The following ST6GALNAC3 variants were observed in gnomAD, a reference collection of about 807,000 sequenced individuals.
ST6GALNAC3 encodes alpha-N-acetylgalactosaminide alpha-2,6-sialyltransferase 3.
A neutral mutation model predicts 32.7 loss-of-function variants in ST6GALNAC3; 25 were observed. The ratio of observed to expected loss-of-function variants is 0.76; its 90% CI spans 0.56 to 1.07. The LOEUF (loss-of-function observed/expected upper bound fraction) is 1.07, where lower values mean the gene tolerates loss of function less well. Among genes scored for constraint, ST6GALNAC3 ranks in the 50% least tolerant of loss-of-function variants. ST6GALNAC3 has a pLI of 0.00. For missense variants in ST6GALNAC3, 355 were observed against 382.4 expected (o/e 0.93, Z 0.60); for synonymous variants, 129 against 133.1 (o/e 0.97, Z 0.21).
At chr1:76,449,281 T>C (rs978898941) in intron 3 of ST6GALNAC3, among the ~76,000 whole-genome samples, 2 of 152,260 alleles carry the variant, frequency 1.3e-5, no homozygotes, top group Admixed American at 6.5e-5. Flanking sequence ...CACTGAGCAG[T>C]ATTCTATTTT....
rs1029411575 is a variant in ST6GALNAC3, at chr1:76,577,301, A to G, written c.624-50151A>G. 3.0e-5 allele frequency: 30 copies of G among 987,856 alleles called. 1 individual carries two copies. Among genetic ancestry groups the G allele is most frequent in the African/African-American group, 2.4e-4 (14 of 57,186 alleles). 61.2% of individuals were successfully genotyped at this position (987,856 alleles called of 1,614,324 possible). On this transcript the variant is annotated intron_variant, in intron 3 of 4. Transcript: ENST00000328299. ...AGGGAATTGTTTTGTAGAAAAGGCC[A>G]TGCTAGATTTCCCTTGCCACTGCCT...
intron 1 of ST6GALNAC3, among the ~76,000 whole-genome samples, chr1:76,254,649 T>C (rs566114123): frequency 3.3e-5 from 5 of 152,230 alleles, no homozygotes; most frequent in African/African-American, 1.2e-4. Context: ...GGGAATCTAG[T>C]TAATGCCACT....
intron 2 of ST6GALNAC3, among the ~76,000 whole-genome samples, chr1:76,381,161 G>T (rs982692829): frequency 2.3e-5 from 3 of 129,204 alleles, no homozygotes; most frequent in Non-Finnish European, 4.7e-5. Context: ...AAAATAGTTT[G>T]GGCTGCTAAA....
intron 1 of ST6GALNAC3, among the ~76,000 whole-genome samples, chr1:76,108,114 G>T (rs1167072582): frequency 6.6e-6 from 1 of 152,132 alleles, no homozygotes; most frequent in Non-Finnish European, 1.5e-5. Context: ...GTGTAATAAT[G>T]GTCTGGCACC....
In ST6GALNAC3 at chr1:76,630,377, A is replaced by G; in HGVS notation, c.*1571A>G. The stretch of plus-strand genomic sequence containing the variant: ...GTGGGGAAAAAATGAAAAAGCAGGG[A>G]CAACAGGAGGAAATGAAGGCAGAGA... On this transcript the variant is annotated 3_prime_UTR_variant, in exon 5 of 5. Transcript: ENST00000328299. The G allele has an allele frequency of 4.1e-6, 4 of 985,268 alleles. No individual in the cohort carries two copies. Among genetic ancestry groups the G allele is most frequent in the Non-Finnish European group, 4.8e-6 (4 of 829,836 alleles). 61.0% of individuals were successfully genotyped at this position (985,268 alleles called of 1,614,324 possible).
At chr1:76,501,683 G>C (rs1661185923) in intron 3 of ST6GALNAC3, among the ~76,000 whole-genome samples, 1 of 152,202 alleles carries the variant, frequency 6.6e-6, no homozygotes, top group South Asian at 2.1e-4. Context: ...TCAAAAGGAA[G>C]AACGAGGAAC....
chr1:76,464,648 A>C (rs1283545025), intron 3 of ST6GALNAC3, among the ~76,000 whole-genome samples: 1 of 152,258 alleles, frequency 6.6e-6, no homozygotes, highest in African/African-American at 2.4e-5. Flanking sequence ...GCAATAGCTG[A>C]GTAAGTGGTC....
At chr1:76,474,174 T>C (rs567493411) in intron 3 of ST6GALNAC3, among the ~76,000 whole-genome samples, 4 of 152,284 alleles carry the variant, frequency 2.6e-5, no homozygotes, top group South Asian at 2.1e-4. Context: ...CAATGCAGAA[T>C]TGTGAGCAAA....
At position 76,313,797 on chromosome 1, in the gene ST6GALNAC3, T is replaced by G. The variant is rs1276351987; in HGVS notation, c.19-8T>G. On this transcript the variant is annotated splice_region_variant and splice_polypyrimidine_tract_variant and intron_variant, in intron 1 of 4. Coordinates refer to ENST00000328299, the MANE Select transcript of ST6GALNAC3 (RefSeq NM_152996.4). ...CGTTCTTCTTTTTGTTTTTTTAATG[T>G]TTTGTAGAGAAAGTCTGTGATTGCT... 1 of 1,612,236 alleles carries G rather than the reference T, an allele frequency of 6.2e-7. No homozygotes were observed. Among genetic ancestry groups the G allele is most frequent in the Non-Finnish European group, 8.5e-7 (1 of 1,179,212 alleles).
At chr1:76,293,256 A>C (rs1173140307) in intron 1 of ST6GALNAC3, among the ~76,000 whole-genome samples, 3 of 152,186 alleles carry the variant, frequency 2.0e-5, no homozygotes, top group Non-Finnish European at 4.4e-5. Flanking sequence ...TGATTTTGCC[A>C]ATAATGCTGT....
intron 1 of ST6GALNAC3, among the ~76,000 whole-genome samples, chr1:76,251,125 A>T (rs1038936998): frequency 6.6e-6 from 1 of 151,992 alleles, no homozygotes; most frequent in African/African-American, 2.4e-5. Context: ...ACCTTCAACA[A>T]TGTATTCTCC....
At chr1:76,300,834 T>C (rs1660687251) in intron 1 of ST6GALNAC3, among the ~76,000 whole-genome samples, 1 of 151,958 alleles carries the variant, frequency 6.6e-6, no homozygotes, top group African/African-American at 2.4e-5. Flanking sequence ...AACAAAGCGC[T>C]CTGAATCTTC....
intron 1 of ST6GALNAC3, among the ~76,000 whole-genome samples, chr1:76,080,650 A>C (rs1338346372): frequency 6.6e-6 from 1 of 151,664 alleles, no homozygotes; most frequent in Non-Finnish European, 1.5e-5. Flanking sequence ...AAAAAAAACA[A>C]TCAAAAACCA....
At chr1:76,311,901 T>C (rs12137229) in intron 1 of ST6GALNAC3, among the ~76,000 whole-genome samples, 39,062 of 152,090 alleles carry the variant, frequency 0.26, 5,463 homozygotes, top group East Asian at 0.42. Flanking sequence ...CCACCAACAG[T>C]GTAAAAGCGT....
At chr1:76,486,107 G>C (rs1052479663) in intron 3 of ST6GALNAC3, among the ~76,000 whole-genome samples, 5 of 152,172 alleles carry the variant, frequency 3.3e-5, no homozygotes, top group Non-Finnish European at 7.4e-5. Flanking sequence ...TATAATTTCT[G>C]TTCTTTTACA....
At chr1:76,534,429 G>T (rs1490349497) in intron 3 of ST6GALNAC3, among the ~76,000 whole-genome samples, 1 of 152,066 alleles carries the variant, frequency 6.6e-6, no homozygotes, top group South Asian at 2.1e-4. Context: ...TCTTCATAAT[G>T]TACACATCGA....
At chr1:76,574,083 A>G (rs1018201771) in intron 3 of ST6GALNAC3, among the ~76,000 whole-genome samples, 2 of 152,140 alleles carry the variant, frequency 1.3e-5, no homozygotes, top group African/African-American at 4.8e-5. Context: ...GTTATAATCT[A>G]TGGAAAATGG....
chr1:76,246,762 C>G (rs1047327912), intron 1 of ST6GALNAC3, among the ~76,000 whole-genome samples: 1 of 152,190 alleles, frequency 6.6e-6, no homozygotes, highest in Non-Finnish European at 1.5e-5. Flanking sequence ...GCTCTTTTAG[C>G]TCAGAGGAGT....
chr1:76,218,470 G>T (rs1261359547), intron 1 of ST6GALNAC3, among the ~76,000 whole-genome samples: 3 of 152,198 alleles, frequency 2.0e-5, no homozygotes, highest in Non-Finnish European at 4.4e-5. Flanking sequence ...CCCCAAGCTG[G>T]TATGGTGAGG....
Sources: gnomAD v4.1 joint callset for allele counts (sites outside exome capture counted in the v4.1 genomes callset) on GRCh38, gnomAD v4.1.1 for gene constraint, MANE v1.5 for transcripts, NCBI Gene and HGNC (gene_info 2026-07-23, HGNC 2026-07-21) for gene names.